Variants in ADGRL2 observed in about 807,000 individuals in gnomAD.
ADGRL2 encodes the protein calcium-independent alpha-latrotoxin receptor 2.
ADGRL2 carries 44 observed loss-of-function variants against 157.4 expected under a neutral mutation model. That is an observed-to-expected ratio of 0.28 (90% CI 0.22 to 0.36). The LOEUF (loss-of-function observed/expected upper bound fraction) is 0.36, where lower values mean the gene tolerates loss of function less well. Ranked by LOEUF, ADGRL2 falls within the 10% of genes least tolerant of loss-of-function variation. ADGRL2 has a pLI of 1.00. For synonymous variants in ADGRL2, 585 were observed against 624.7 expected (o/e 0.94, Z 0.95); for missense variants, 1,510 against 1,768.9 (o/e 0.85, Z 2.63).
intron 2 of ADGRL2, chr1:81,501,705 T>A: frequency 1.3e-6 from 2 of 1,598,388 alleles, no homozygotes; most frequent in Non-Finnish European, 1.7e-6. Flanking sequence ...TTAGACCCAG[T>A]GTGCCTGGTG....
At chr1:81,632,549 G>A (rs1001255866) in intron 3 of ADGRL2, among the ~76,000 whole-genome samples, 6 of 152,064 alleles carry the variant, frequency 3.9e-5, no homozygotes, top group African/African-American at 1.4e-4. Flanking sequence ...ATGAGGTCAG[G>A]AGATCGAGAC....
rs148975479 is a variant in ADGRL2, at chr1:81,307,137, T to C, written c.-302+628T>C. 9.7e-4 allele frequency among the ~76,000 whole-genome samples: 147 copies of C among 152,130 alleles called. 3 individuals carry two copies. In the East Asian group the frequency reaches 0.025, roughly 26 times the overall value. On this transcript the variant is annotated intron_variant, in intron 1 of 24. Transcript: ENST00000370721. ...TTATCCATGTGATTATTTATTGTTT[T>C]GAGATTGAAATTGTATTACAGAAAA...
intron 2 of ADGRL2, among the ~76,000 whole-genome samples, chr1:81,467,364 A>G (rs1336959303): frequency 3.3e-5 from 5 of 152,210 alleles, no homozygotes; most frequent in African/African-American, 1.2e-4. Context: ...CTAGCATCCA[A>G]CTAAATCTCG....
At chr1:81,738,186 G>A (rs2084964354) in intron 1 of ADGRL2, among the ~76,000 whole-genome samples, 1 of 152,184 alleles carries the variant, frequency 6.6e-6, no homozygotes, top group Non-Finnish European at 1.5e-5. Flanking sequence ...CCGGATGTAG[G>A]TCAAGATTGA....
chr1:81,695,504 G>A (rs1379280290), upstream of ADGRL2, among the ~76,000 whole-genome samples: 2 of 152,104 alleles, frequency 1.3e-5, no homozygotes, highest in African/African-American at 2.4e-5. Context: ...TTAGCACACG[G>A]CTGAGGCAGC....
At chr1:81,958,487 T>G (rs1469202611) in intron 11 of ADGRL2, among the ~76,000 whole-genome samples, 2 of 152,160 alleles carry the variant, frequency 1.3e-5, no homozygotes, top group Non-Finnish European at 2.9e-5. Context: ...CTTAGGTTAT[T>G]AAAACAATTT....
At chr1:81,979,745 A>AAG in intron 17 of ADGRL2, 124 bp from the exon 18 acceptor site, 1 of 588,984 alleles carries the variant, frequency 1.7e-6, no homozygotes, top group Non-Finnish European at 3.0e-6. Context: ...CAACTTGATC[A>AAG]TTGCATACAT....
intron 2 of ADGRL2, among the ~76,000 whole-genome samples, 188 bp downstream of exon 2, chr1:81,837,245 G>A (rs1030782036): frequency 3.9e-5 from 6 of 152,000 alleles, no homozygotes; most frequent in Admixed American, 3.3e-4. Flanking sequence ...TATAGAAAGT[G>A]CTAGATATGT....
At chr1:81,508,793 C>A (rs571559246) in intron 2 of ADGRL2, among the ~76,000 whole-genome samples, 1 of 152,246 alleles carries the variant, frequency 6.6e-6, no homozygotes, top group East Asian at 1.9e-4. Flanking sequence ...ATTGTTCCTT[C>A]ATTAATTTTC....
chr1:81,582,610 A>G (rs987622368), intron 3 of ADGRL2, among the ~76,000 whole-genome samples: 19 of 152,140 alleles, frequency 1.2e-4, no homozygotes, highest in African/African-American at 4.6e-4. Context: ...AAAAAAAAGA[A>G]CATCTGTTTA....
At chr1:81,903,032 T>C (rs1307130993) in intron 2 of ADGRL2, among the ~76,000 whole-genome samples, 1 of 152,228 alleles carries the variant, frequency 6.6e-6, no homozygotes, top group Non-Finnish European at 1.5e-5. Context: ...TGTACTTGAT[T>C]AAAAGGAGCT....
chr1:81,418,241 A>G (rs1345928615), intron 1 of ADGRL2, among the ~76,000 whole-genome samples: 1 of 152,252 alleles, frequency 6.6e-6, no homozygotes, highest in Non-Finnish European at 1.5e-5. Context: ...AGGCTAAAAA[A>G]ATCGCAACAC....
intron 6 of ADGRL2, among the ~76,000 whole-genome samples, chr1:81,948,033 A>G (rs909449564): frequency 1.3e-5 from 2 of 152,042 alleles, no homozygotes; most frequent in African/African-American, 2.4e-5. Context: ...CCTGGCCAAT[A>G]TGGTGAAACC....
At chr1:81,417,493 T>C (rs2077052660) in intron 1 of ADGRL2, among the ~76,000 whole-genome samples, 2 of 152,194 alleles carry the variant, frequency 1.3e-5, no homozygotes, top group African/African-American at 4.8e-5. Context: ...GTTTTCCTTC[T>C]TATATTAGTA....
At chr1:81,306,451 G>A (rs1659342031) in exon 1 of ADGRL2, 2 of 151,982 alleles carry the variant, frequency 1.3e-5, no homozygotes, top group Admixed American at 1.3e-4. Context: ...CTGCTGCCTG[G>A]CTTTACTTAC....
At chr1:81,509,317 C>G (rs1158085023) in intron 2 of ADGRL2, among the ~76,000 whole-genome samples, 1 of 152,058 alleles carries the variant, frequency 6.6e-6, no homozygotes, top group Non-Finnish European at 1.5e-5. Flanking sequence ...ATACTGTCTT[C>G]CATTCGTGGA....
chr1:81,983,673 A>G, intron 19 of ADGRL2, among the ~76,000 whole-genome samples: 1 of 151,974 alleles, frequency 6.6e-6, no homozygotes, highest in East Asian at 1.9e-4. Context: ...TCTAACCCAC[A>G]AGAAAACATG....
intron 6 of ADGRL2, among the ~76,000 whole-genome samples, chr1:81,946,288 T>A (rs424474): frequency 0.049 from 7,385 of 151,904 alleles, 509 homozygotes; most frequent in African/African-American, 0.15. Context: ...CATTTATAAA[T>A]CCAAGCCTTT....
chr1:81,367,247 G>A (rs2076082056), intron 1 of ADGRL2, among the ~76,000 whole-genome samples: 1 of 152,154 alleles, frequency 6.6e-6, no homozygotes, highest in African/African-American at 2.4e-5. Flanking sequence ...GAGTACATAT[G>A]CAGAATGTGC....
Sources: allele counts gnomAD v4.1 joint callset (sites outside exome capture counted in the v4.1 genomes callset), GRCh38; gene constraint gnomAD v4.1.1; transcripts MANE v1.5; gene names NCBI Gene and HGNC (gene_info 2026-07-23, HGNC 2026-07-21).